Variants in DENND4A observed in about 807,000 individuals in gnomAD.
DENND4A encodes C-myc promoter-binding protein.
A neutral mutation model predicts 199.3 loss-of-function variants in DENND4A; 70 were observed. The ratio of observed to expected loss-of-function variants is 0.35; its 90% confidence interval spans 0.29 to 0.43. DENND4A has a LOEUF of 0.43. DENND4A is among the 20% of genes least tolerant of loss of function. The pLI, the probability that DENND4A is intolerant of heterozygous loss-of-function variation, is 1.00. For synonymous variants in DENND4A, 686 were observed against 766.9 expected (o/e 0.89, Z 1.74); for missense variants, 1,723 against 2,255.8 (o/e 0.76, Z 4.78).
intron 32 of DENND4A, 111 bp from the exon 33 acceptor site, chr15:65,662,098 T>G: frequency 3.5e-4 from 248 of 700,840 alleles, no homozygotes; most frequent in Non-Finnish European, 5.1e-4. Flanking sequence ...CAAGAAGGAA[T>G]TGCTAGGACA....
chr15:65,684,668 ACATTTT>A (rs1447658490), intron 23 of DENND4A, among the ~76,000 whole-genome samples: 8 of 152,022 alleles, frequency 5.3e-5, no homozygotes, highest in Admixed American at 4.6e-4. Flanking sequence ...TCATTTTCTT[ACATTTT>A]CATTTTTGGA....
intron 1 of DENND4A, chr15:65,771,968 T>A (rs957766135): frequency 6.5e-7 from 1 of 1,544,382 alleles, no homozygotes; most frequent in African/African-American, 1.4e-5. Flanking sequence ...CTATCTTTCG[T>A]AACTCCAAGT....
chr15:65,729,716 T>A (rs1245937192), intron 9 of DENND4A, 38 bp from the exon 10 acceptor site: 1 of 1,526,152 alleles, frequency 6.6e-7, no homozygotes. Flanking sequence ...TAAAAAATAA[T>A]GATCCAAACA....
chr15:65,767,338 G>T (rs1289534047), intron 1 of DENND4A: 1 of 152,184 alleles, frequency 6.6e-6, no homozygotes, highest in African/African-American at 2.4e-5. Flanking sequence ...CCACAAGATT[G>T]TAAGTTCCAT....
chr15:65,677,611 A>T (rs996972176), intron 23 of DENND4A, among the ~76,000 whole-genome samples: 11 of 152,276 alleles, frequency 7.2e-5, no homozygotes, highest in East Asian at 3.9e-4. Flanking sequence ...TGAGAAAAAA[A>T]TTTTTTAAAT....
At chr15:65,759,540 A>C (rs780739498) in intron 2 of DENND4A, among the ~76,000 whole-genome samples, 9 of 152,198 alleles carry the variant, frequency 5.9e-5, no homozygotes, top group Admixed American at 1.3e-4. Flanking sequence ...TTTTATTTAC[A>C]TACTAATGGC....
chr15:65,699,626 C>A (rs1289158757), intron 20 of DENND4A, among the ~76,000 whole-genome samples: 1 of 148,538 alleles, frequency 6.7e-6, no homozygotes, highest in Non-Finnish European at 1.5e-5. Flanking sequence ...ACATGTTATA[C>A]ATATACTACT....
intron 1 of DENND4A, among the ~76,000 whole-genome samples, chr15:65,764,003 T>C (rs1030529038): frequency 6.6e-6 from 1 of 152,234 alleles, no homozygotes; most frequent in Non-Finnish European, 1.5e-5. Context: ...GTAAAAATAC[T>C]GTATGTATAT....
chr15:65,696,295 A>C, intron 22 of DENND4A, 71 bp downstream of exon 22: 1 of 1,520,580 alleles, frequency 6.6e-7, no homozygotes, highest in Non-Finnish European at 8.8e-7. Flanking sequence ...GACTATTAAA[A>C]AAATAAGTAT....
intron 1 of DENND4A, among the ~76,000 whole-genome samples, chr15:65,776,629 G>A (rs1473474538): frequency 6.6e-6 from 1 of 152,206 alleles, no homozygotes; most frequent in East Asian, 1.9e-4. Flanking sequence ...GGGCCTGAAA[G>A]CCATGTTTTA....
At chr15:65,747,856 C>T (rs1007831825) in intron 4 of DENND4A, among the ~76,000 whole-genome samples, 5 of 151,716 alleles carry the variant, frequency 3.3e-5, no homozygotes, top group African/African-American at 9.7e-5. Context: ...GCCTGACCAA[C>T]GTGGTGAAAC....
chr15:65,686,682 AAC>A (rs1190213582), intron 23 of DENND4A, among the ~76,000 whole-genome samples: 1 of 152,068 alleles, frequency 6.6e-6, no homozygotes, highest in Middle Eastern at 3.2e-3. Context: ...GAACTACAGG[AAC>A]ACACCATAAC....
intron 1 of DENND4A, among the ~76,000 whole-genome samples, chr15:65,776,585 G>GT (rs1440813582): frequency 2.6e-5 from 4 of 152,064 alleles, no homozygotes; most frequent in African/African-American, 9.7e-5. Context: ...TCTGAGAATT[G>GT]TATGTCCTGT....
Position 65,691,028 on chromosome 15 carries a change from C to T in DENND4A, c.3566G>A (p.Arg1189Lys). ...AGCVATQNPK[R>K]IQRMNSSFSV... ...AAAGCTGCTGTTCATACGTTGAATC[C>T]TCTTGGGATTTTGTGTAGCAACACA... is the stretch of plus-strand genomic sequence containing the variant. Residue 1189 changes from arginine to lysine, a missense_variant, in exon 23 of 33, where the codon AGG becomes AAG. By Grantham distance (26) the Arg-to-Lys change is conservative. This residue lies in a region of DENND4A where 650 missense variants were observed against 738.1 expected (regional missense o/e 0.88). Coordinates refer to ENST00000443035, the MANE Select transcript of DENND4A (RefSeq NM_001320835.1). The T allele has an allele frequency of 6.2e-7, 1 of 1,612,082 alleles. No individual in the cohort carries two copies. The highest frequency in any genetic ancestry group is 8.5e-7 in the Non-Finnish European group (1 of 1,179,000).
At chr15:65,739,668 A>G (rs1338944622) in intron 5 of DENND4A, among the ~76,000 whole-genome samples, 1 of 152,192 alleles carries the variant, frequency 6.6e-6, no homozygotes, top group Non-Finnish European at 1.5e-5. Context: ...TTCTGCCACT[A>G]ATATATCTGT....
intron 1 of DENND4A, 25 bp from the exon 2 acceptor site, chr15:65,761,463 G>T (rs2076846694): frequency 6.6e-6 from 1 of 152,132 alleles, no homozygotes. Flanking sequence ...GTAAGAATTG[G>T]ACTTAAATTC....
chr15:65,773,855 G>T (rs749573786), intron 1 of DENND4A, among the ~76,000 whole-genome samples: 4 of 152,002 alleles, frequency 2.6e-5, no homozygotes, highest in African/African-American at 7.3e-5. Context: ...CTTTTTAGGG[G>T]TTTTTTTGTT....
At position 65,676,449 on chromosome 15, in the gene DENND4A, C is replaced by T. The variant is rs11858075; in HGVS notation, c.4365G>A (p.Leu1455=). 1,104 of 1,599,006 alleles carry T rather than the reference C, an allele frequency of 6.9e-4. 2 individuals are homozygous for T. The African/African-American group carries it at 0.011, about 16-fold the overall frequency. Residue 1455 remains leucine, a synonymous_variant, in exon 24 of 33, where the codon TTG becomes TTA. Transcript: ENST00000443035. ...GACAGAACTGTTTGGACAAACCTTC[C>T]AAGGATGCAGAACTTTCCAGGCTTA... ...SRISLESSAS[L]EGSLSKFALP...
intron 19 of DENND4A, 80 bp from the exon 20 acceptor site, chr15:65,700,755 C>T: frequency 7.4e-7 from 1 of 1,355,274 alleles, no homozygotes; most frequent in South Asian, 1.6e-5. Flanking sequence ...TAATAATCCA[C>T]CAATGTAATA....
Sources: allele counts gnomAD v4.1 joint callset (sites outside exome capture counted in the v4.1 genomes callset), GRCh38; gene constraint gnomAD v4.1.1; regional missense constraint gnomAD v4.1.1; transcripts MANE v1.5; gene names NCBI Gene and HGNC (gene_info 2026-07-23, HGNC 2026-07-21).